CREB5: variants seen among roughly 807,000 people sequenced by gnomAD.
CREB5 encodes the protein cyclic AMP-responsive element-binding protein 5.
Under a neutral mutation model 57.1 loss-of-function variants are expected in CREB5, and 19 were observed. The observed-to-expected ratio is 0.33, with a 90% CI of 0.23 to 0.49. CREB5 has a LOEUF of 0.49. CREB5 is among the 20% of genes least tolerant of loss of function. CREB5 has a pLI of 0.99. For missense variants in CREB5, 579 were observed against 671.6 expected (o/e 0.86, Z 1.52); for synonymous variants, 238 against 238.3 (o/e 1.00, Z 0.01).
intron 1 of CREB5, among the ~76,000 whole-genome samples, chr7:28,389,603 G>GCGC (rs1469685382): frequency 2.0e-5 from 3 of 151,322 alleles, no homozygotes. Flanking sequence ...CCTGTAGAGG[G>GCGC]CGCTATTGAT....
At chr7:28,341,215 T>C (rs1785930452) in intron 1 of CREB5, among the ~76,000 whole-genome samples, 1 of 152,202 alleles carries the variant, frequency 6.6e-6, no homozygotes, top group African/African-American at 2.4e-5. Flanking sequence ...CCACCTCCTC[T>C]AGTTTCTACT....
At chr7:28,450,983 T>A (rs1039509910) in intron 1 of CREB5, among the ~76,000 whole-genome samples, 2 of 152,182 alleles carry the variant, frequency 1.3e-5, no homozygotes, top group African/African-American at 4.8e-5. Context: ...GGAACCTGGC[T>A]CTTTGTGCCT....
chr7:28,815,481 A>T (rs1809384097), intron 9 of CREB5, among the ~76,000 whole-genome samples: 1 of 152,190 alleles, frequency 6.6e-6, no homozygotes, highest in Non-Finnish European at 1.5e-5. Flanking sequence ...TATACTTTGT[A>T]TGGGGTTTTG....
At chr7:28,804,599 G>C (rs1808596509) in intron 8 of CREB5, 77 bp downstream of exon 8, 1 of 1,528,428 alleles carries the variant, frequency 6.5e-7, no homozygotes, top group Non-Finnish European at 8.9e-7. Flanking sequence ...GGGGTCATTT[G>C]CAGCAATCTT....
At chr7:28,357,133 A>G (rs533007785) in intron 1 of CREB5, among the ~76,000 whole-genome samples, 4 of 152,304 alleles carry the variant, frequency 2.6e-5, no homozygotes, top group Admixed American at 2.0e-4. Flanking sequence ...CAAATGCTAA[A>G]TTGAAGAATA....
intron 1 of CREB5, among the ~76,000 whole-genome samples, chr7:28,352,950 A>G (rs1401329847): frequency 6.6e-6 from 1 of 152,242 alleles, no homozygotes; most frequent in Non-Finnish European, 1.5e-5. Context: ...CCACTTGGCT[A>G]TGGCAAACAC....
At chr7:28,630,414 C>T (rs1798158815) in intron 5 of CREB5, among the ~76,000 whole-genome samples, 1 of 152,190 alleles carries the variant, frequency 6.6e-6, no homozygotes, top group Non-Finnish European at 1.5e-5. Context: ...GGGAAATGTA[C>T]ATCTCAGTCT....
chr7:28,824,627 A>G lies in CREB5; in HGVS notation c.*5348A>G, dbSNP rs946540217. 1 of 152,612 alleles carries G rather than the reference A, an allele frequency of 6.6e-6. No individual in the cohort carries two copies. Among genetic ancestry groups the G allele is most frequent in the Non-Finnish European group, 1.5e-5 (1 of 68,024 alleles). The allele number at this position is 152,612 out of a possible 1,614,324, so 9.5% of individuals were successfully genotyped here. Reference sequence around the variant, plus strand: ...ATTTAAAAAACAAAAAACCTAGCTCATCATGTTGTGAAAATGAAAAAGTGA... The same window carrying G: ...ATTTAAAAAACAAAAAACCTAGCTCGTCATGTTGTGAAAATGAAAAAGTGA... On this transcript the variant is annotated 3_prime_UTR_variant, in exon 11 of 11. Transcript: ENST00000357727.
At chr7:28,576,151 C>T (rs149676849) in intron 5 of CREB5, among the ~76,000 whole-genome samples, 4 of 152,288 alleles carry the variant, frequency 2.6e-5, no homozygotes, top group African/African-American at 9.6e-5. Context: ...CCACCTGGAA[C>T]ACAGCAAGCC....
Position 28,823,376 on chromosome 7 carries a change from T to G in CREB5, c.*4097T>G, listed in dbSNP as rs1809890712. On this transcript the variant is annotated 3_prime_UTR_variant, in exon 11 of 11. Transcript: ENST00000357727. ...TAAATGTTATTTTTAAACATTCCAT[T>G]TGAACAGTATTCTGTAGGATCTACT... The G allele has an allele frequency of 6.6e-6, 1 of 152,636 alleles. No homozygotes were observed. The allele number at this position is 152,636 out of a possible 1,614,324, so 9.5% of individuals were successfully genotyped here. A position where few individuals can be genotyped will look rare whatever the true frequency, so the allele number is the denominator to read the frequency against.
At chr7:28,731,955 T>A (rs1803659348) in intron 7 of CREB5, among the ~76,000 whole-genome samples, 1 of 152,156 alleles carries the variant, frequency 6.6e-6, no homozygotes, top group Non-Finnish European at 1.5e-5. Context: ...TAGTACAAAA[T>A]GCCTTGGTTT....
intron 4 of CREB5, among the ~76,000 whole-genome samples, chr7:28,569,487 A>G (rs1795612708): frequency 6.6e-6 from 1 of 152,226 alleles, no homozygotes; most frequent in African/African-American, 2.4e-5. Context: ...AATTTTAAAC[A>G]TATAAGCCTT....
At chr7:28,601,356 GC>G (rs1340616768) in intron 5 of CREB5, among the ~76,000 whole-genome samples, 1 of 152,102 alleles carries the variant, frequency 6.6e-6, no homozygotes, top group Non-Finnish European at 1.5e-5. Context: ...AAAGGCATTT[GC>G]AGGGATGGAT....
At chr7:28,691,627 GACA>G (rs1008920414) in intron 5 of CREB5, among the ~76,000 whole-genome samples, 1 of 152,042 alleles carries the variant, frequency 6.6e-6, no homozygotes, top group African/African-American at 2.4e-5. Context: ...AGTGGAATTA[GACA>G]ACATCTCTGG....
intron 1 of CREB5, among the ~76,000 whole-genome samples, chr7:28,418,818 A>G (rs113979068): frequency 1.7e-4 from 26 of 152,294 alleles, no homozygotes; most frequent in African/African-American, 6.3e-4. Context: ...GCTCACATTT[A>G]TTAGTGCCAT....
At chr7:28,359,795 T>A (rs1490921141) in intron 1 of CREB5, among the ~76,000 whole-genome samples, 1 of 151,904 alleles carries the variant, frequency 6.6e-6, no homozygotes, top group African/African-American at 2.4e-5. Flanking sequence ...ATATACAAAT[T>A]AGAAAAAATA....
At chr7:28,556,030 G>C (rs1794849584) in intron 4 of CREB5, among the ~76,000 whole-genome samples, 1 of 152,156 alleles carries the variant, frequency 6.6e-6, no homozygotes, top group Admixed American at 6.5e-5. Context: ...GCCAGGGAGA[G>C]TGCCTCAATA....
chr7:28,791,590 C>T (rs907624182), intron 7 of CREB5, among the ~76,000 whole-genome samples: 8 of 152,288 alleles, frequency 5.3e-5, no homozygotes, highest in Middle Eastern at 3.4e-3. Flanking sequence ...TATTTCATAG[C>T]TTAATATCTG....
At chr7:28,510,405 T>G (rs1172302020) in intron 4 of CREB5, among the ~76,000 whole-genome samples, 1 of 152,234 alleles carries the variant, frequency 6.6e-6, no homozygotes, top group Non-Finnish European at 1.5e-5. Context: ...CTCATTAGGT[T>G]TTAGTAAAGT....
Sources: gnomAD v4.1 joint callset for allele counts (sites outside exome capture counted in the v4.1 genomes callset) on GRCh38, gnomAD v4.1.1 for gene constraint, MANE v1.5 for transcripts, NCBI Gene and HGNC (gene_info 2026-07-23, HGNC 2026-07-21) for gene names.